PKN2: variants seen among roughly 807,000 people sequenced by gnomAD.
PKN2 encodes protein kinase N2.
PKN2 carries 38 observed loss-of-function variants against 119.1 expected under a neutral mutation model. The ratio of observed to expected loss-of-function variants is 0.32; its 90% CI spans 0.25 to 0.42. The LOEUF is 0.42. PKN2 is among the 10% of genes least tolerant of loss of function. PKN2 has a pLI of 1.00. For synonymous variants in PKN2, 390 were observed against 384.9 expected, an observed-to-expected ratio of 1.01 and a Z score of -0.15; for missense variants, 850 against 1,165.1, an observed-to-expected ratio of 0.73 and a Z score of 3.94.
At chr1:88,813,812 T>A in intron 16 of PKN2, 79 bp downstream of exon 16, 3 of 1,218,832 alleles carry the variant, frequency 2.5e-6, no homozygotes, top group Non-Finnish European at 3.4e-6. Flanking sequence ...TCTTTGAATT[T>A]TAGATTTTTT....
intron 8 of PKN2, 94 bp downstream of exon 8, chr1:88,786,307 A>T: frequency 1.7e-6 from 1 of 594,072 alleles, no homozygotes; most frequent in Non-Finnish European, 2.9e-6. Context: ...TGTATTCTTA[A>T]CAAGAATAAA....
At chr1:88,702,648 C>CT (rs1666819178) in intron 1 of PKN2, among the ~76,000 whole-genome samples, 1 of 152,128 alleles carries the variant, frequency 6.6e-6, no homozygotes, top group Non-Finnish European at 1.5e-5. Context: ...GATTTCACTA[C>CT]TTGAAAAAGT....
At chr1:88,827,774 C>T (rs184160035) in intron 18 of PKN2, among the ~76,000 whole-genome samples, 49 of 151,890 alleles carry the variant, frequency 3.2e-4, no homozygotes, top group Admixed American at 2.2e-3. Context: ...GGCTGGAGTG[C>T]AATGACACAA....
chr1:88,823,829 T>C lies in PKN2; in HGVS notation c.2343-481T>C, dbSNP rs1020523502. On this transcript the variant is annotated intron_variant, in intron 17 of 21. Transcript: ENST00000370521. The stretch of plus-strand genomic sequence containing the variant: ...TTCAAGACCAGCCTGGCCAAAATAG[T>C]GAAACCGCCTCTCTAATAAAAATAC... Among the ~76,000 whole-genome samples the C allele has an allele frequency of 1.5e-4, 22 of 148,460 alleles. No individual in the cohort carries two copies. In the Admixed American group the frequency reaches 1.5e-3, roughly 10 times the overall value.
At position 88,771,886 on chromosome 1, in the gene PKN2, A is replaced by G; in HGVS notation, c.985+7A>G. On this transcript the variant is annotated splice_region_variant and intron_variant, in intron 6 of 21. Coordinates refer to ENST00000370521, the MANE Select transcript of PKN2 (RefSeq NM_006256.4). ...AAACCAGCAGCACTAACAGGTATGT[A>G]GTGTATAGCCATTGTTTTTTGTGTG... 1 of 1,577,288 alleles carries G rather than the reference A, an allele frequency of 6.3e-7. No homozygotes were observed. The highest frequency in any genetic ancestry group is 8.7e-7 in the Non-Finnish European group (1 of 1,147,276).
intron 3 of PKN2, among the ~76,000 whole-genome samples, 161 bp downstream of exon 3, chr1:88,760,537 A>T (rs185350041): frequency 1.3e-5 from 2 of 152,220 alleles, no homozygotes; most frequent in African/African-American, 4.8e-5. Context: ...AGCAGGGGAA[A>T]TTTGAATTAT....
intron 1 of PKN2, among the ~76,000 whole-genome samples, chr1:88,730,901 G>T (rs1247541973): frequency 6.6e-6 from 1 of 152,152 alleles, no homozygotes; most frequent in African/African-American, 2.4e-5. Context: ...TTTATACATG[G>T]TCATTCTGAT....
chr1:88,707,213 C>T (rs376854713), intron 1 of PKN2, among the ~76,000 whole-genome samples: 3 of 151,768 alleles, frequency 2.0e-5, no homozygotes, highest in African/African-American at 4.8e-5. Flanking sequence ...TAAAAATAAA[C>T]GTTTTATAGA....
chr1:88,740,141 G>A (rs1668521948), intron 1 of PKN2, among the ~76,000 whole-genome samples: 3 of 152,076 alleles, frequency 2.0e-5, no homozygotes, highest in Admixed American at 1.3e-4. Flanking sequence ...ATACCACACC[G>A]TTTTATATAA....
At chr1:88,699,080 T>C (rs1178210039) in intron 1 of PKN2, among the ~76,000 whole-genome samples, 1 of 152,122 alleles carries the variant, frequency 6.6e-6, no homozygotes. Flanking sequence ...CTTCCTTCCT[T>C]CTTTCCTGTT....
chr1:88,813,631 G>T lies in PKN2; in HGVS notation c.2177G>T (p.Cys726Phe). The change falls in exon 16 of 22, where the codon TGT (cysteine) becomes TTT (phenylalanine). Residue 726 changes from cysteine (C) to phenylalanine (F), a missense_variant. Physicochemically the swap from Cys to Phe is radical, Grantham distance 205. Coordinates refer to ENST00000370521, the MANE Select transcript of PKN2 (RefSeq NM_006256.4). ...CCCTTTTTGGTGAACCTTTTTGCAT[G>T]TTTCCAAACCAAAGAGCATGTTTGC... ...RHPFLVNLFA[C>F]FQTKEHVCFV... The T allele has an allele frequency of 1.2e-6, 2 of 1,609,744 alleles. No homozygotes were observed. The highest frequency in any genetic ancestry group is 1.7e-6 in the Non-Finnish European group (2 of 1,178,532).
chr1:88,720,360 A>G (rs372238327), intron 1 of PKN2, among the ~76,000 whole-genome samples: 3 of 152,212 alleles, frequency 2.0e-5, no homozygotes, highest in Non-Finnish European at 2.9e-5. Context: ...CGTAGGCTTC[A>G]TGATTTCTTA....
chr1:88,823,625 A>G (rs1029675211), intron 17 of PKN2, among the ~76,000 whole-genome samples: 1 of 150,082 alleles, frequency 6.7e-6, no homozygotes. Context: ...AATTGCTTGA[A>G]CCTGGAAAGT....
chr1:88,800,688 A>T (rs985174129), intron 8 of PKN2, among the ~76,000 whole-genome samples: 28 of 152,340 alleles, frequency 1.8e-4, no homozygotes, highest in Non-Finnish European at 1.0e-4. Flanking sequence ...TCTTTGTGCT[A>T]ATTCTTTTAT....
intron 8 of PKN2, among the ~76,000 whole-genome samples, chr1:88,789,433 C>T (rs186402139): frequency 4.6e-5 from 7 of 152,090 alleles, no homozygotes; most frequent in East Asian, 1.9e-4. Context: ...GAGGCCGAGG[C>T]GGGCGGATCT....
At chr1:88,826,229 A>G (rs1672494124) in intron 18 of PKN2, among the ~76,000 whole-genome samples, 1 of 152,212 alleles carries the variant, frequency 6.6e-6, no homozygotes, top group Admixed American at 6.5e-5. Flanking sequence ...CCTAGAACAT[A>G]AAAGGTGCAG....
intron 6 of PKN2, among the ~76,000 whole-genome samples, chr1:88,773,770 C>A (rs1669983338): frequency 6.6e-6 from 1 of 152,056 alleles, no homozygotes; most frequent in Non-Finnish European, 1.5e-5. Flanking sequence ...CACAGCAAGA[C>A]TCCGCCTCTA....
In PKN2 at chr1:88,807,677, A is replaced by G; in HGVS notation, c.2011-7A>G. 1 of 1,576,608 alleles carries G rather than the reference A, an allele frequency of 6.3e-7. No homozygotes were observed. Among genetic ancestry groups the G allele is most frequent in the Non-Finnish European group, 8.6e-7 (1 of 1,156,724 alleles). On this transcript the variant is annotated splice_region_variant and splice_polypyrimidine_tract_variant and intron_variant, in intron 14 of 21. Coordinates refer to ENST00000370521, the MANE Select transcript of PKN2 (RefSeq NM_006256.4). ...AGTGGAAAATAATTATTTTAATTTTATTTCAGGTGCTTTTAGCTGAATATA... is the reference window on the plus strand; with the variant it reads ...AGTGGAAAATAATTATTTTAATTTTGTTTCAGGTGCTTTTAGCTGAATATA...
rs537545022 is a variant in PKN2, at chr1:88,689,702, T to C, written c.48+5074T>C. 3.2e-4 allele frequency among the ~76,000 whole-genome samples: 49 copies of C among 152,172 alleles called. No individual in the cohort carries two copies. The East Asian group carries it at 9.5e-3, about 29-fold the overall frequency. On this transcript the variant is annotated intron_variant, in intron 1 of 21. Transcript: ENST00000370521. ...GATGTGTGCCTGTAATCCCAACTAC[T>C]TGGGAGGCTGAGGCACAAGAATTGC...
Sources: allele counts gnomAD v4.1 joint callset (sites outside exome capture counted in the v4.1 genomes callset), GRCh38; gene constraint gnomAD v4.1.1; transcripts MANE v1.5; gene names NCBI Gene and HGNC (gene_info 2026-07-23, HGNC 2026-07-21).